KLHL6: variants seen among roughly 807,000 people sequenced by gnomAD.
The protein encoded by KLHL6 is kelch-like protein 6.
A neutral mutation model predicts 58.6 loss-of-function variants in KLHL6; 41 were observed. The observed-to-expected ratio is 0.70, with a 90% confidence interval of 0.55 to 0.91. KLHL6 has a LOEUF of 0.91. Ranked by LOEUF, KLHL6 falls within the 40% of genes least tolerant of loss-of-function variation. The pLI, the probability that KLHL6 is intolerant of heterozygous loss-of-function variation, is 0.00. For missense variants in KLHL6, 714 were observed against 805.6 expected (o/e 0.89, Z 1.38); for synonymous variants, 338 against 322.7 (o/e 1.05, Z -0.51).
chr3:183,491,018 G>A lies in KLHL6; in HGVS notation c.*909C>T, dbSNP rs968254679. The A allele has an allele frequency of 6.6e-6, 1 of 152,204 alleles. No individual in the cohort carries two copies. The highest frequency in any genetic ancestry group is 2.4e-5 in the African/African-American group (1 of 41,450). The allele number at this position is 152,204 out of a possible 1,614,324, so 9.4% of individuals were successfully genotyped here. ...TAAGAAAGAAAAGGAAAGAAAGCAG[G>A]AAACACCTTTATTTCCCTGCTGTGC... is the stretch of plus-strand genomic sequence containing the variant. On this transcript the variant is annotated 3_prime_UTR_variant, in exon 7 of 7. Transcript: ENST00000341319.
intron 3 of KLHL6, among the ~76,000 whole-genome samples, chr3:183,502,653 G>C (rs1421603948): frequency 6.6e-6 from 1 of 152,170 alleles, no homozygotes; most frequent in African/African-American, 2.4e-5. Context: ...AGCCAGCAAG[G>C]ATCTGATGCC....
intron 1 of KLHL6, among the ~76,000 whole-genome samples, chr3:183,536,565 A>T (rs1223747106): frequency 6.6e-6 from 1 of 152,174 alleles, no homozygotes; most frequent in Non-Finnish European, 1.5e-5. Flanking sequence ...AAGTGAGTGA[A>T]CCTCAGCTTC....
chr3:183,496,735 G>A (rs1438123096), intron 4 of KLHL6, among the ~76,000 whole-genome samples: 1 of 152,238 alleles, frequency 6.6e-6, no homozygotes, highest in Non-Finnish European at 1.5e-5. Context: ...ATGTCCAGAT[G>A]ATATTGTTAA....
At chr3:183,527,713 T>C in intron 2 of KLHL6, 132 bp downstream of exon 2, 2 of 724,254 alleles carry the variant, frequency 2.8e-6, no homozygotes, top group East Asian at 5.4e-5. Flanking sequence ...TGTGTGTGTG[T>C]GTTTGTGTGC....
chr3:183,524,464 G>C (rs575519474), intron 2 of KLHL6, among the ~76,000 whole-genome samples: 3 of 152,210 alleles, frequency 2.0e-5, no homozygotes, highest in Non-Finnish European at 2.9e-5. Context: ...TCTTCTAGTG[G>C]GCAGATCAAT....
At chr3:183,510,403 C>A (rs1718148265) in intron 2 of KLHL6, among the ~76,000 whole-genome samples, 2 of 151,944 alleles carry the variant, frequency 1.3e-5, no homozygotes, top group South Asian at 4.2e-4. Context: ...GGGAGTGGGG[C>A]TATCGAGCCT....
intron 5 of KLHL6, 80 bp downstream of exon 5, chr3:183,493,999 G>T: frequency 1.5e-6 from 2 of 1,298,224 alleles, no homozygotes; most frequent in South Asian, 1.2e-5. Flanking sequence ...TGACCACCAC[G>T]GCAGGCACGT....
Position 183,555,354 on chromosome 3 carries a change from T to A in KLHL6, c.293+7A>T. On this transcript the variant is annotated splice_region_variant and intron_variant, in intron 1 of 6. Transcript: ENST00000341319. ...CCCAATTTGACTCTGGTCCTAGGCA[T>A]GCTGACCTGAAATAGTTGCTGGCTG... is the stretch of plus-strand genomic sequence containing the variant. 6.2e-7 allele frequency: 1 copy of A among 1,613,116 alleles called. No homozygotes were observed. Among genetic ancestry groups the A allele is most frequent in the Non-Finnish European group, 8.5e-7 (1 of 1,179,258 alleles).
intron 2 of KLHL6, chr3:183,522,807 G>T (rs1452915225): frequency 1.3e-5 from 2 of 152,176 alleles, no homozygotes; most frequent in African/African-American, 2.4e-5. Context: ...TTTTTTGTTT[G>T]TTTGTTTGTT....
At chr3:183,534,100 A>ACTTTAAAAGTACTTTACTTTTAAAGTC in intron 1 of KLHL6, among the ~76,000 whole-genome samples, 1 of 135,410 alleles carries the variant, frequency 7.4e-6, no homozygotes. Context: ...CTTTTAAAGT[A>ACTTTAAAAGTACTTTACTTTTAAAGTC]CTTTAAAAGT....
intron 3 of KLHL6, among the ~76,000 whole-genome samples, chr3:183,507,492 C>G (rs1388060593): frequency 6.6e-6 from 1 of 152,022 alleles, no homozygotes; most frequent in African/African-American, 2.4e-5. Flanking sequence ...AGTGCAGTGG[C>G]GTGATCTCGG....
chr3:183,498,535 G>A (rs901781771), intron 4 of KLHL6, among the ~76,000 whole-genome samples: 4 of 152,186 alleles, frequency 2.6e-5, no homozygotes, highest in African/African-American at 7.2e-5. Context: ...ACCAGTGTGC[G>A]ACCTTAGGTA....
chr3:183,546,734 T>A (rs1206197583), intron 1 of KLHL6, among the ~76,000 whole-genome samples: 2 of 152,208 alleles, frequency 1.3e-5, no homozygotes, highest in South Asian at 4.1e-4. Context: ...AATAAATTAA[T>A]AAATGAATCC....
intron 1 of KLHL6, among the ~76,000 whole-genome samples, chr3:183,543,327 G>C (rs1280788352): frequency 6.6e-6 from 1 of 151,734 alleles, no homozygotes; most frequent in African/African-American, 2.4e-5. Flanking sequence ...ATACTATGCA[G>C]TGCTCCTTAA....
At chr3:183,500,823 G>A (rs116212893) in intron 3 of KLHL6, among the ~76,000 whole-genome samples, 3,350 of 152,204 alleles carry the variant, frequency 0.022, 128 homozygotes, top group African/African-American at 0.076. Flanking sequence ...CAATTTTCCC[G>A]CAAAATTAGA....
chr3:183,489,746 G>C lies in KLHL6; in HGVS notation c.*2181C>G, dbSNP rs548424627. 1.3e-5 allele frequency: 2 copies of C among 152,342 alleles called. No individual in the cohort carries two copies. The highest frequency in any genetic ancestry group is 4.8e-5 in the African/African-American group (2 of 41,582). The allele number at this position is 152,342 out of a possible 1,614,324, so 9.4% of individuals were successfully genotyped here. A position where few individuals can be genotyped will look rare whatever the true frequency, so the allele number is the denominator to read the frequency against. ...TGAACTGTCACGCTTCTAAGGCACA[G>C]AGCATTTCACACACCAACATACATT... On this transcript the variant is annotated 3_prime_UTR_variant, in exon 7 of 7. Transcript: ENST00000341319.
In KLHL6 at chr3:183,508,076, G is replaced by C; in HGVS notation, c.892C>G (p.His298Asp). ...FPLLQEARMY[H>D]LSGNEIISER... is the part of the protein sequence containing the mutation. Reference sequence around the variant, plus strand: ...CTACTCACCTCATTGCCAGAAAGGTGGTACATCCTGGCTTCCTGGAGCAGC... The same window carrying C: ...CTACTCACCTCATTGCCAGAAAGGTCGTACATCCTGGCTTCCTGGAGCAGC... The change falls in exon 3 of 7, where the codon CAC (histidine) becomes GAC (aspartate). Residue 298 changes from histidine to aspartate, a missense_variant. This residue lies in a region of KLHL6 where 510 missense variants were observed against 629.7 expected (regional missense o/e 0.81). Transcript: ENST00000341319. The C allele has an allele frequency of 6.2e-7, 1 of 1,613,890 alleles. No individual in the cohort carries two copies. Among genetic ancestry groups the C allele is most frequent in the Non-Finnish European group, 8.5e-7 (1 of 1,179,808 alleles).
chr3:183,530,234 T>C (rs897698673), intron 1 of KLHL6, among the ~76,000 whole-genome samples: 4 of 151,620 alleles, frequency 2.6e-5, no homozygotes, highest in East Asian at 1.9e-4. Flanking sequence ...TGAGTGGAGG[T>C]TAGAGGAGTT....
At chr3:183,552,407 C>G (rs1203146625) in intron 1 of KLHL6, 1 of 152,106 alleles carries the variant, frequency 6.6e-6, no homozygotes, top group Non-Finnish European at 1.5e-5. Context: ...CTCCAAAACA[C>G]AGAGAGCTGT....
Sources: allele counts gnomAD v4.1 joint callset (sites outside exome capture counted in the v4.1 genomes callset), GRCh38; gene constraint gnomAD v4.1.1; regional missense constraint gnomAD v4.1.1; transcripts MANE v1.5; gene names NCBI Gene and HGNC (gene_info 2026-07-23, HGNC 2026-07-21).